The following CUL5 variants were observed in gnomAD, a reference collection of about 807,000 sequenced individuals.
CUL5 encodes the protein cullin 5.
Under a neutral mutation model 108.8 loss-of-function variants are expected in CUL5, and 26 were observed. The ratio of observed to expected loss-of-function variants is 0.24; its 90% CI spans 0.18 to 0.33. CUL5 has a LOEUF of 0.33. CUL5 is among the 10% of genes least tolerant of loss of function. The probability of loss-of-function intolerance (pLI) is 1.00; values close to 1 mark genes in which losing one functional copy is unlikely to be tolerated. For missense variants in CUL5, 524 were observed against 909.2 expected (o/e 0.58, Z 5.45); for synonymous variants, 334 against 298.0 (o/e 1.12, Z -1.25).
At chr11:108,073,689 T>C (rs1307568574) in intron 10 of CUL5, 192 bp downstream of exon 10, 2 of 345,736 alleles carry the variant, frequency 5.8e-6, no homozygotes, top group Non-Finnish European at 1.0e-5. Flanking sequence ...TTAGATAGCC[T>C]TGTGAATTAG....
chr11:108,075,357 G>A (rs1863917844), intron 10 of CUL5, among the ~76,000 whole-genome samples: 2 of 152,196 alleles, frequency 1.3e-5, no homozygotes, highest in Non-Finnish European at 2.9e-5. Flanking sequence ...TTGAGTTCTT[G>A]AAGTTTCCTG....
At chr11:108,031,395 G>A (rs186020854) in intron 1 of CUL5, among the ~76,000 whole-genome samples, 21 of 152,158 alleles carry the variant, frequency 1.4e-4, no homozygotes, top group African/African-American at 5.1e-4. Flanking sequence ...GAGTTTCATA[G>A]GGTGTTTGGT....
chr11:108,051,394 G>A (rs1863217007), intron 4 of CUL5, among the ~76,000 whole-genome samples: 3 of 152,168 alleles, frequency 2.0e-5, no homozygotes. Context: ...GTGCATAAAT[G>A]TGGAAAGTTA....
In CUL5 at chr11:108,054,728, G is replaced by T. The variant is rs1863329269; in HGVS notation, c.635G>T (p.Arg212Ile). ...AAGGCATACTTGGATTCAACAGAGA[G>T]ATTTTATAGAACACAAGCACCCTCG... is the stretch of plus-strand genomic sequence containing the variant. ...FEKAYLDSTE[R>I]FYRTQAPSYL... Residue 212 changes from arginine (R) to isoleucine (I), a missense_variant, in exon 6 of 19, where the codon AGA becomes ATA. Physicochemically the swap from Arg to Ile is moderately conservative, Grantham distance 97. Around this residue, in one of 8 missense-constraint regions of CUL5, gnomAD observed 170 missense variants for 305.1 expected, o/e 0.56. Coordinates refer to ENST00000393094, the MANE Select transcript of CUL5 (RefSeq NM_003478.6). 6.2e-7 allele frequency: 1 copy of T among 1,611,278 alleles called. No homozygotes were observed. The highest frequency in any genetic ancestry group is 8.5e-7 in the Non-Finnish European group (1 of 1,177,950).
intron 1 of CUL5, 30 bp from the exon 2 acceptor site, chr11:108,033,772 A>G (rs778031412): frequency 2.2e-6 from 3 of 1,376,974 alleles, no homozygotes; most frequent in Non-Finnish European, 3.0e-6. Flanking sequence ...CATTTAAATT[A>G]AACTCCCTTT....
At chr11:108,053,138 C>G (rs1391447085) in intron 5 of CUL5, among the ~76,000 whole-genome samples, 1 of 152,074 alleles carries the variant, frequency 6.6e-6, no homozygotes, top group Non-Finnish European at 1.5e-5. Context: ...AAGTTACTTC[C>G]ATGAAAAGGA....
rs765144695 is a variant in CUL5, at chr11:108,104,228, T to A, written c.2187T>A (p.Ile729=). 6.3e-7 allele frequency: 1 copy of A among 1,586,078 alleles called. No homozygotes were observed. The highest frequency in any genetic ancestry group is 1.9e-5 in the Admixed American group (1 of 51,684). The change falls in exon 19 of 19, where the codon ATT becomes ATA. Residue 729 remains isoleucine, a synonymous_variant. Coordinates refer to ENST00000393094, the MANE Select transcript of CUL5 (RefSeq NM_003478.6). ...IIQIMKMRKK[I]SNAQLQTELV... ...AAATAATGAAAATGAGAAAGAAAATTAGTAATGCTCAGCTGCAGACTGAAT... is the reference window on the plus strand; with the variant it reads ...AAATAATGAAAATGAGAAAGAAAATAAGTAATGCTCAGCTGCAGACTGAAT...
intron 16 of CUL5, 136 bp from the exon 17 acceptor site, chr11:108,097,500 A>G (rs1383790701): frequency 5.3e-6 from 3 of 571,222 alleles, no homozygotes; most frequent in Non-Finnish European, 9.4e-6. Flanking sequence ...TTCAAATGTT[A>G]TATTCATGGA....
chr11:108,083,350 G>C (rs975432955), intron 11 of CUL5, among the ~76,000 whole-genome samples: 2 of 152,198 alleles, frequency 1.3e-5, no homozygotes, highest in Non-Finnish European at 2.9e-5. Context: ...TGCTATTACT[G>C]TTAGTGCTAC....
chr11:108,083,897 C>T (rs1864160242), intron 11 of CUL5, among the ~76,000 whole-genome samples: 1 of 152,194 alleles, frequency 6.6e-6, no homozygotes, highest in African/African-American at 2.4e-5. Flanking sequence ...TTGTCCAACC[C>T]TGCGGGCTGC....
chr11:108,057,479 C>T (rs141634842), intron 7 of CUL5, among the ~76,000 whole-genome samples: 48 of 152,204 alleles, frequency 3.2e-4, no homozygotes, highest in African/African-American at 5.1e-4. Context: ...TGACATACCC[C>T]GTGATATGAT....
chr11:108,059,440 C>T (rs1025602656), intron 7 of CUL5, among the ~76,000 whole-genome samples: 1 of 152,026 alleles, frequency 6.6e-6, no homozygotes, highest in Non-Finnish European at 1.5e-5. Flanking sequence ...ATGACCAGGG[C>T]ACCGATAGGG....
chr11:108,088,174 A>G lies in CUL5; in HGVS notation c.1179-353A>G, dbSNP rs550006002. On this transcript the variant is annotated intron_variant, in intron 11 of 18. Coordinates refer to ENST00000393094, the MANE Select transcript of CUL5 (RefSeq NM_003478.6). ...ATAAAAAGTTTTAAATGTTAACATA[A>G]ATATCCAAGAATTTAACAGTTTTTC... is the stretch of plus-strand genomic sequence containing the variant. 7.9e-5 allele frequency among the ~76,000 whole-genome samples: 12 copies of G among 152,302 alleles called. 1 individual carries two copies. In the South Asian group the frequency reaches 2.5e-3, roughly 32 times the overall value.
chr11:108,015,286 A>G lies in CUL5; in HGVS notation c.24+5914A>G, dbSNP rs532119045. On this transcript the variant is annotated intron_variant, in intron 1 of 18. Coordinates refer to ENST00000393094, the MANE Select transcript of CUL5 (RefSeq NM_003478.6). ...TGAAGCAAGGGAGCAAGTCATGTAC[A>G]TATTTAGAAGAGTTCCTTGTAGAGG... Among the ~76,000 whole-genome samples the G allele has an allele frequency of 2.6e-5, 4 of 152,340 alleles. No homozygotes were observed. The East Asian group carries it at 5.8e-4, about 22-fold the overall frequency.
rs1264187120 is a variant in CUL5, at chr11:108,093,885, A to G, written c.1444-506A>G. On this transcript the variant is annotated intron_variant, in intron 13 of 18. Coordinates refer to ENST00000393094, the MANE Select transcript of CUL5 (RefSeq NM_003478.6). Reference sequence around the variant, plus strand: ...CTGCTAACTTTTAAAATTTTTTTGTAGTGATGGGGGTGTCACTGTGTTGCC... The same window carrying G: ...CTGCTAACTTTTAAAATTTTTTTGTGGTGATGGGGGTGTCACTGTGTTGCC... 2.6e-5 allele frequency among the ~76,000 whole-genome samples: 4 copies of G among 152,056 alleles called. No homozygotes were observed. In the East Asian group the frequency reaches 7.7e-4, roughly 29 times the overall value.
chr11:108,020,165 T>C (rs1412186319), intron 1 of CUL5, among the ~76,000 whole-genome samples: 1 of 152,230 alleles, frequency 6.6e-6, no homozygotes, highest in African/African-American at 2.4e-5. Flanking sequence ...ATCCAAACTG[T>C]AGCAGTACAT....
intron 5 of CUL5, 103 bp downstream of exon 5, chr11:108,052,904 C>G (rs144188707): frequency 6.0e-5 from 58 of 965,348 alleles, no homozygotes; most frequent in Non-Finnish European, 4.4e-6. Context: ...TACAAAGTTA[C>G]ATCTACTTTT....
At chr11:108,098,054 T>C (rs970322773) in intron 17 of CUL5, among the ~76,000 whole-genome samples, 1 of 151,846 alleles carries the variant, frequency 6.6e-6, no homozygotes, top group Non-Finnish European at 1.5e-5. Flanking sequence ...TGTTGTTTTG[T>C]TTCGTTTTTG....
At chr11:108,101,674 C>T (rs1227199833) in intron 18 of CUL5, among the ~76,000 whole-genome samples, 1 of 152,178 alleles carries the variant, frequency 6.6e-6, no homozygotes, top group Admixed American at 6.5e-5. Context: ...GTCAGAAGTG[C>T]AGATTATTTC....
Sources: gnomAD v4.1 joint callset for allele counts (sites outside exome capture counted in the v4.1 genomes callset) on GRCh38, gnomAD v4.1.1 for gene constraint, gnomAD v4.1.1 regional missense constraint, MANE v1.5 for transcripts, NCBI Gene and HGNC (gene_info 2026-07-23, HGNC 2026-07-21) for gene names.